Variants in CMTM8 observed in about 807,000 individuals in gnomAD.
The protein encoded by CMTM8 is CKLF like MARVEL transmembrane domain containing 8.
In CMTM8, 12 loss-of-function variants were observed where a neutral mutation model predicts 18.6. The observed-to-expected ratio is 0.65, with a 90% confidence interval of 0.41 to 1.05. The LOEUF (loss-of-function observed/expected upper bound fraction) is 1.05. Among genes scored for constraint, CMTM8 ranks in the 50% least tolerant of loss-of-function variants. CMTM8 has a pLI of 0.00. For synonymous variants in CMTM8, 87 were observed against 90.6 expected, an observed-to-expected ratio of 0.96 and a Z score of 0.23; for missense variants, 217 against 227.2, an observed-to-expected ratio of 0.95 and a Z score of 0.29.
chr3:32,357,410 C>G lies in CMTM8; in HGVS notation c.185C>G (p.Thr62Ser), dbSNP rs139918624. The change falls in exon 2 of 4, where the codon ACT becomes AGT. Residue 62 changes from threonine (T) to serine (S), a missense_variant. Coordinates refer to ENST00000307526, the MANE Select transcript of CMTM8 (RefSeq NM_178868.5). ...GLLVWTLIAG[T>S]EYFRVPAFGW... ...CTGGTATGGACGCTTATTGCTGGAA[C>G]TGAGTACTTCCGGGTCCCCGCATTT... The G allele has an allele frequency of 6.2e-7, 1 of 1,613,924 alleles. No individual in the cohort carries two copies. Among genetic ancestry groups the G allele is most frequent in the African/African-American group, 1.3e-5 (1 of 74,872 alleles).
chr3:32,306,786 C>T (rs1695724347), intron 1 of CMTM8, among the ~76,000 whole-genome samples: 1 of 152,140 alleles, frequency 6.6e-6, no homozygotes, highest in Admixed American at 6.6e-5. Context: ...TGCATTTAGA[C>T]TCATGTTTTA....
At chr3:32,359,768 T>C (rs1430161320) in intron 2 of CMTM8, among the ~76,000 whole-genome samples, 1 of 152,172 alleles carries the variant, frequency 6.6e-6, no homozygotes, top group East Asian at 1.9e-4. Flanking sequence ...AAAAGAATAT[T>C]AACAATGCCT....
At chr3:32,295,276 T>G (rs553718202) in intron 1 of CMTM8, among the ~76,000 whole-genome samples, 2 of 151,592 alleles carry the variant, frequency 1.3e-5, no homozygotes, top group Non-Finnish European at 2.9e-5. Flanking sequence ...AGCAATGTGG[T>G]GAAACCCCAT....
At chr3:32,369,314 C>T (rs531295207) in intron 3 of CMTM8, among the ~76,000 whole-genome samples, 2 of 152,060 alleles carry the variant, frequency 1.3e-5, no homozygotes, top group African/African-American at 2.4e-5. Flanking sequence ...AACTCCGTCT[C>T]GAAAAAACAA....
At chr3:32,253,722 G>T (rs2125533034) in intron 1 of CMTM8, among the ~76,000 whole-genome samples, 1 of 152,152 alleles carries the variant, frequency 6.6e-6, no homozygotes, top group Admixed American at 6.5e-5. Context: ...TTTTTCAAGA[G>T]ACCAGGTCTT....
chr3:32,344,349 G>T (rs1430109373), intron 1 of CMTM8, among the ~76,000 whole-genome samples: 1 of 152,126 alleles, frequency 6.6e-6, no homozygotes, highest in African/African-American at 2.4e-5. Context: ...TTTCAATAAT[G>T]GTGCTCCTGC....
intron 1 of CMTM8, among the ~76,000 whole-genome samples, chr3:32,337,618 G>C (rs1202086414): frequency 6.6e-6 from 1 of 152,216 alleles, no homozygotes; most frequent in Non-Finnish European, 1.5e-5. Context: ...AGCAGCCCAT[G>C]AGAAAGAGGG....
chr3:32,289,527 CT>C (rs781123692), intron 1 of CMTM8, among the ~76,000 whole-genome samples: 48 of 152,140 alleles, frequency 3.2e-4, no homozygotes, highest in Middle Eastern at 3.4e-3. Context: ...TCCTTCCAGG[CT>C]AGGAGAGGGG....
chr3:32,310,921 T>C (rs999066599), intron 1 of CMTM8, among the ~76,000 whole-genome samples: 1 of 152,238 alleles, frequency 6.6e-6, no homozygotes, highest in Non-Finnish European at 1.5e-5. Context: ...ATTTCAGTAA[T>C]TAATGATGGT....
intron 1 of CMTM8, among the ~76,000 whole-genome samples, chr3:32,261,832 A>G (rs1702263587): frequency 6.6e-6 from 1 of 152,146 alleles, no homozygotes; most frequent in Non-Finnish European, 1.5e-5. Flanking sequence ...CTCTGTACAC[A>G]CCCATGAGAT....
At chr3:32,353,600 C>T (rs1034089197) in intron 1 of CMTM8, among the ~76,000 whole-genome samples, 1 of 152,152 alleles carries the variant, frequency 6.6e-6, no homozygotes, top group South Asian at 2.1e-4. Flanking sequence ...AAGTTATAGA[C>T]TCTGTGAACA....
intron 1 of CMTM8, among the ~76,000 whole-genome samples, chr3:32,284,011 G>T (rs1205131239): frequency 6.6e-6 from 1 of 152,208 alleles, no homozygotes; most frequent in Non-Finnish European, 1.5e-5. Context: ...AGCACTTTGG[G>T]GGAGCCGAGG....
rs995267227 is a variant in CMTM8, at chr3:32,238,880, C to G, written c.-93C>G. The G allele has an allele frequency of 3.2e-6, 4 of 1,234,056 alleles. No homozygotes were observed. Among genetic ancestry groups the G allele is most frequent in the Non-Finnish European group, 4.2e-6 (4 of 956,438 alleles). The allele number at this position is 1,234,056 out of a possible 1,614,324, so 76.4% of individuals were successfully genotyped here. On this transcript the variant is annotated 5_prime_UTR_variant, in exon 1 of 4. Coordinates refer to ENST00000307526, the MANE Select transcript of CMTM8 (RefSeq NM_178868.5). ...CCCCGCGCGGGCCGCGCTCCCCTCCCCCGCGCCTGTGTCCCCAGGGCGCAG... is the reference window on the plus strand; with the variant it reads ...CCCCGCGCGGGCCGCGCTCCCCTCCGCCGCGCCTGTGTCCCCAGGGCGCAG...
At chr3:32,242,399 G>A (rs1013647968) in intron 1 of CMTM8, among the ~76,000 whole-genome samples, 1 of 151,972 alleles carries the variant, frequency 6.6e-6, no homozygotes, top group African/African-American at 2.4e-5. Context: ...TGATCACAGT[G>A]CAACCTACCC....
At chr3:32,337,600 G>T (rs569849312) in intron 1 of CMTM8, among the ~76,000 whole-genome samples, 1 of 152,164 alleles carries the variant, frequency 6.6e-6, no homozygotes, top group South Asian at 2.1e-4. Flanking sequence ...TAAATCCCTG[G>T]TGTGTGGAGC....
chr3:32,347,153 T>C (rs1225142275), intron 1 of CMTM8, among the ~76,000 whole-genome samples: 1 of 152,210 alleles, frequency 6.6e-6, no homozygotes, highest in Non-Finnish European at 1.5e-5. Flanking sequence ...TTTAAGTCAA[T>C]ATTCTGTGTT....
At chr3:32,319,053 T>TATACATAC (rs1559378710) in intron 1 of CMTM8, among the ~76,000 whole-genome samples, 1 of 54,574 alleles carries the variant, frequency 1.8e-5, no homozygotes, top group African/African-American at 7.6e-5. Flanking sequence ...TATGTGTGTA[T>TATACATAC]ATACATATAT....
At chr3:32,311,601 T>G (rs955973999) in intron 1 of CMTM8, among the ~76,000 whole-genome samples, 1 of 152,266 alleles carries the variant, frequency 6.6e-6, no homozygotes. Context: ...TAATCCCATG[T>G]GCAATGTCCT....
intron 1 of CMTM8, chr3:32,259,380 C>G: frequency 1.2e-6 from 1 of 844,726 alleles, no homozygotes; most frequent in Admixed American, 1.7e-5. Context: ...GTGGACAATG[C>G]CCGCATTGTT....
Sources: gnomAD v4.1 joint callset for allele counts (sites outside exome capture counted in the v4.1 genomes callset) on GRCh38, gnomAD v4.1.1 for gene constraint, MANE v1.5 for transcripts, NCBI Gene and HGNC (gene_info 2026-07-23, HGNC 2026-07-21) for gene names.